Variants in GALC observed in about 807,000 individuals in gnomAD.
GALC encodes the protein galactosylceramidase.
GALC carries 77 observed loss-of-function variants against 91.8 expected under a neutral mutation model. That is an observed-to-expected ratio of 0.84 (90% CI 0.70 to 1.01). The LOEUF is 1.01. GALC is among the 50% of genes least tolerant of loss of function. GALC has a pLI of 0.00. For synonymous variants in GALC, 357 were observed against 306.7 expected (o/e 1.16, Z -1.71); for missense variants, 882 against 855.9 (o/e 1.03, Z -0.38).
intron 5 of GALC, among the ~76,000 whole-genome samples, chr14:87,983,823 G>C (rs888291710): frequency 2.6e-5 from 4 of 152,162 alleles, no homozygotes; most frequent in African/African-American, 9.7e-5. Context: ...GCAGATTTCA[G>C]CCAGCCTGCC....
chr14:87,983,895 T>C (rs974121417), intron 5 of GALC, among the ~76,000 whole-genome samples: 3 of 152,226 alleles, frequency 2.0e-5, no homozygotes, highest in East Asian at 1.9e-4. Flanking sequence ...TAGTTTTAAA[T>C]AGTTACATTT....
At chr14:87,974,746 T>C (rs1041874731) in intron 7 of GALC, among the ~76,000 whole-genome samples, 1 of 151,766 alleles carries the variant, frequency 6.6e-6, no homozygotes, top group African/African-American at 2.4e-5. Context: ...TCCTGAGAAA[T>C]TTCCCAAAAA....
rs1311849569 is a variant in GALC at position 87,991,203 on chromosome 14, TTTTG to T, written c.195+1763_195+1766del. Among the ~76,000 whole-genome samples the T allele has an allele frequency of 8.5e-5, 13 of 152,298 alleles. No individual in the cohort carries two copies. In the South Asian group the frequency reaches 1.5e-3, roughly 17 times the overall value. On this transcript the variant is annotated intron_variant, in intron 1 of 16. Coordinates refer to ENST00000261304, the MANE Select transcript of GALC (RefSeq NM_000153.4). ...TCGCTTTGGTTTGGTTTTTGGGTTT[TTTTG>T]TTTGTTTGTGTTTTGAACGGAGTCT...
chr14:87,953,167 G>A, intron 10 of GALC: 2 of 1,470,014 alleles, frequency 1.4e-6, no homozygotes, highest in Non-Finnish European at 1.9e-6. Context: ...GAAGTCTGAA[G>A]CAGCAGTTAG....
At position 87,965,548 on chromosome 14, in the gene GALC, T is replaced by C. The variant is rs370211494; in HGVS notation, c.990A>G (p.Pro330=). ...GRCGLMTAQE[P]WSGHYVVESP... is the part of the protein sequence containing the mutation. ...ATTCTACCACGTAGTGCCCACTCCATGGCTCCTGGGCCGTCATCAACCCGC... is the reference window on the plus strand; with the variant it reads ...ATTCTACCACGTAGTGCCCACTCCACGGCTCCTGGGCCGTCATCAACCCGC... Residue 330 remains proline (P), a synonymous_variant, in exon 9 of 17, where the codon CCA becomes CCG. Coordinates refer to ENST00000261304, the MANE Select transcript of GALC (RefSeq NM_000153.4). The C allele has an allele frequency of 1.4e-5, 22 of 1,613,378 alleles. No individual in the cohort carries two copies. The highest frequency in any genetic ancestry group is 1.8e-5 in the Non-Finnish European group (21 of 1,179,550).
chr14:87,953,721 T>C, intron 10 of GALC: 2 of 1,607,928 alleles, frequency 1.2e-6, no homozygotes, highest in Non-Finnish European at 8.5e-7. Context: ...ATGCAGGAGA[T>C]TCTGTTGTAG....
intron 7 of GALC, among the ~76,000 whole-genome samples, chr14:87,974,554 C>T (rs1261404159): frequency 1.3e-5 from 2 of 152,010 alleles, no homozygotes; most frequent in African/African-American, 4.8e-5. Context: ...CCTGGGTAGC[C>T]CTGAACAGTT....
chr14:87,956,310 G>T (rs1420293130), intron 10 of GALC, among the ~76,000 whole-genome samples: 1 of 151,812 alleles, frequency 6.6e-6, no homozygotes, highest in Non-Finnish European at 1.5e-5. Flanking sequence ...AAATACTCCA[G>T]CAAATCACTA....
chr14:87,984,453 C>T lies in GALC; in HGVS notation c.523G>A (p.Val175Ile). ...YVNLQLTAYYVVTWIVGAKRY... is the reference protein window; with the variant it reads ...YVNLQLTAYYIVTWIVGAKRY... ...TTGGCGCCCACAATCCAGGTCACGA[C>T]ATAATAGGCAGTCAGCTGAAGATTG... Residue 175 changes from valine (V) to isoleucine (I), a missense_variant, in exon 5 of 17, where the codon GTC (valine) becomes ATC (isoleucine). Val to Ile is a conservative substitution (Grantham distance 29). Coordinates refer to ENST00000261304, the MANE Select transcript of GALC (RefSeq NM_000153.4). 6.2e-7 allele frequency: 1 copy of T among 1,614,110 alleles called. No individual in the cohort carries two copies. Among genetic ancestry groups the T allele is most frequent in the Non-Finnish European group, 8.5e-7 (1 of 1,179,990 alleles).
chr14:87,981,864 G>A (rs950550970), intron 6 of GALC, among the ~76,000 whole-genome samples: 1 of 152,072 alleles, frequency 6.6e-6, no homozygotes, highest in African/African-American at 2.4e-5. Context: ...AAGAAAAAAA[G>A]CTACATTTCT....
Position 87,950,739 on chromosome 14 carries a change from GT to G in GALC, c.1170del (p.Lys390AsnfsTer67). 2 of 1,522,122 alleles carry G rather than the reference GT, an allele frequency of 1.3e-6. No individual in the cohort carries two copies. The highest frequency in any genetic ancestry group is 1.8e-6 in the Non-Finnish European group (2 of 1,135,568). 94.3% of individuals were successfully genotyped at this position (1,522,122 alleles called of 1,614,324 possible). A position where few individuals can be genotyped will look rare whatever the true frequency, so the allele number is the denominator to read the frequency against. On this transcript the variant is annotated frameshift_variant, in exon 11 of 17. Coordinates refer to ENST00000261304, the MANE Select transcript of GALC (RefSeq NM_000153.4). LOFTEE classifies it high-confidence loss of function. ...LTIIIETMSHKHSKCIRPFLP... is the reference protein window; with the variant it reads ...LTIIIETMSHXHSKCIRPFLP... The stretch of plus-strand genomic sequence containing the variant: ...AGAAATGGCCGTATGCACTTAGAAT[GT>G]TTATGACTCTGAAAAAAAAAAATCA...
In GALC at chr14:87,958,316, T is replaced by C. The variant is rs1015341959; in HGVS notation, c.1161+5068A>G. Among the ~76,000 whole-genome samples the C allele has an allele frequency of 1.3e-5, 2 of 151,820 alleles. 1 individual carries two copies. The highest frequency in any genetic ancestry group is 3.9e-4 in the East Asian group (2 of 5,156). On this transcript the variant is annotated intron_variant, in intron 10 of 16. Coordinates refer to ENST00000261304, the MANE Select transcript of GALC (RefSeq NM_000153.4). ...TCGGTTAGTTTAAATCTGAAGTGAGTCCAATAAGTTAAGATGTATATGGTA... is the reference window on the plus strand; with the variant it reads ...TCGGTTAGTTTAAATCTGAAGTGAGCCCAATAAGTTAAGATGTATATGGTA...
At chr14:87,956,584 CCA>C (rs1491114765) in intron 10 of GALC, among the ~76,000 whole-genome samples, 21 of 101,132 alleles carry the variant, frequency 2.1e-4, no homozygotes, top group South Asian at 1.3e-3. Flanking sequence ...TACACACACA[CCA>C]TATATATACA....
chr14:87,947,921 GCTCAT>G, intron 12 of GALC, 43 bp from the exon 13 acceptor site: 1 of 1,575,692 alleles, frequency 6.3e-7, no homozygotes, highest in Non-Finnish European at 8.7e-7. Flanking sequence ...AGGTACTATA[GCTCAT>G]CTCATGTGGA....
In GALC at chr14:87,960,418, T is replaced by G. The variant is rs145593784; in HGVS notation, c.1161+2966A>C. Reference sequence around the variant, plus strand: ...AGCTAGAAGAGAGGCTTTTGAATGCTTTCATCACAAAGGAATGATAAATTC... The same window carrying G: ...AGCTAGAAGAGAGGCTTTTGAATGCGTTCATCACAAAGGAATGATAAATTC... On this transcript the variant is annotated intron_variant, in intron 10 of 16. Coordinates refer to ENST00000261304, the MANE Select transcript of GALC (RefSeq NM_000153.4). Among the ~76,000 whole-genome samples, 210 of 152,332 alleles carry G rather than the reference T, an allele frequency of 1.4e-3. 10 individuals carry two copies. In the East Asian group the frequency reaches 0.032, roughly 23 times the overall value.
chr14:87,953,212 G>C, intron 10 of GALC: 1 of 1,502,064 alleles, frequency 6.7e-7, no homozygotes, highest in South Asian at 1.1e-5. Flanking sequence ...AACTGATACG[G>C]AATTTCTCTG....
At chr14:87,952,205 G>C (rs1455732435) in intron 10 of GALC, among the ~76,000 whole-genome samples, 1 of 151,622 alleles carries the variant, frequency 6.6e-6, no homozygotes, top group Non-Finnish European at 1.5e-5. Flanking sequence ...TCTTCGAGAA[G>C]ATCAATACAG....
At position 87,983,409 on chromosome 14, in the gene GALC, C is replaced by T. The variant is rs538249455; in HGVS notation, c.582+985G>A. ...AAAACTAGTATATTCTTTCTTCTGACTTCCTCCAGCCCTTGGCTCATCCTC... is the reference window on the plus strand; with the variant it reads ...AAAACTAGTATATTCTTTCTTCTGATTTCCTCCAGCCCTTGGCTCATCCTC... On this transcript the variant is annotated intron_variant, in intron 5 of 16. Transcript: ENST00000261304. Among the ~76,000 whole-genome samples the T allele has an allele frequency of 6.6e-5, 10 of 152,306 alleles. No individual in the cohort carries two copies. The South Asian group carries it at 1.2e-3, about 19-fold the overall frequency.
intron 7 of GALC, among the ~76,000 whole-genome samples, chr14:87,970,636 G>A (rs1467143500): frequency 2.6e-5 from 4 of 151,380 alleles, no homozygotes; most frequent in Non-Finnish European, 4.4e-5. Context: ...CAAGGCGGGC[G>A]GATCACGAGG....
Sources: gnomAD v4.1 joint callset for allele counts (sites outside exome capture counted in the v4.1 genomes callset) on GRCh38, gnomAD v4.1.1 for gene constraint, MANE v1.5 for transcripts, NCBI Gene and HGNC (gene_info 2026-07-23, HGNC 2026-07-21) for gene names.